DUSP3: variants seen among roughly 807,000 people sequenced by gnomAD.
DUSP3 encodes dual specificity phosphatase 3.
In DUSP3, 7 loss-of-function variants were observed where a neutral mutation model predicts 15.5. That is an observed-to-expected ratio of 0.45 (90% CI 0.26 to 0.85). The LOEUF (loss-of-function observed/expected upper bound fraction) is 0.85, where lower values mean the gene tolerates loss of function less well. DUSP3 is among the 40% of genes least tolerant of loss of function. The pLI, the probability that DUSP3 is intolerant of heterozygous loss-of-function variation, is 0.18. For missense variants in DUSP3, 209 were observed against 251.7 expected (o/e 0.83, Z 1.15); for synonymous variants, 86 against 104.2 (o/e 0.83, Z 1.07).
rs2055026153 is a variant in DUSP3, at chr17:43,766,692, C to T, written c.*2917G>A. On this transcript the variant is annotated 3_prime_UTR_variant, in exon 3 of 3. Coordinates refer to ENST00000226004, the MANE Select transcript of DUSP3 (RefSeq NM_004090.4). Reference sequence around the variant, plus strand: ...GGGGATTATTAGAGACCCCTCAGAGCCAAAAGGGGACCTTAGAGGTCTTCT... The same window carrying T: ...GGGGATTATTAGAGACCCCTCAGAGTCAAAAGGGGACCTTAGAGGTCTTCT... 2.6e-5 allele frequency: 4 copies of T among 152,410 alleles called. No homozygotes were observed. In the South Asian group the frequency reaches 8.3e-4, roughly 32 times the overall value. The allele number at this position is 152,410 out of a possible 1,614,324, so 9.4% of individuals were successfully genotyped here.
chr17:43,774,161 A>G, intron 2 of DUSP3: 1 of 275,048 alleles, frequency 3.6e-6, no homozygotes, highest in South Asian at 3.0e-5. Flanking sequence ...GAAAAAAAAG[A>G]GTGGGAAGAG....
At chr17:43,771,028 G>A (rs1192112612) in intron 2 of DUSP3, among the ~76,000 whole-genome samples, 1 of 149,666 alleles carries the variant, frequency 6.7e-6, no homozygotes, top group Non-Finnish European at 1.5e-5. Flanking sequence ...GTGTATGTGT[G>A]TGTATATATA....
intron 2 of DUSP3, chr17:43,774,012 T>G: frequency 5.1e-6 from 1 of 196,902 alleles, no homozygotes; most frequent in Non-Finnish European, 1.0e-5. Flanking sequence ...GGCGGGAGGC[T>G]GAGGCAGGAG....
chr17:43,769,495 G>C lies in DUSP3; in HGVS notation c.*114C>G. 1 of 1,237,390 alleles carries C rather than the reference G, an allele frequency of 8.1e-7. No individual in the cohort carries two copies. Among genetic ancestry groups the C allele is most frequent in the Non-Finnish European group, 1.1e-6 (1 of 881,442 alleles). The allele number at this position is 1,237,390 out of a possible 1,614,324, so 76.7% of individuals were successfully genotyped here. A position where few individuals can be genotyped will look rare whatever the true frequency, so the allele number is the denominator to read the frequency against. The stretch of plus-strand genomic sequence containing the variant: ...TGTGTTGGGACACACTTGTAGACAA[G>C]TGCCTTGTGATGCTGGGAGCAGGGT... On this transcript the variant is annotated 3_prime_UTR_variant, in exon 3 of 3. Transcript: ENST00000226004.
rs781144393 is a variant in DUSP3 at position 43,769,687 on chromosome 17, G to T, written c.480C>A (p.Ile160=). Residue 160 remains isoleucine (I), a synonymous_variant, in exon 3 of 3, where the codon ATC becomes ATA. Coordinates refer to ENST00000226004, the MANE Select transcript of DUSP3 (RefSeq NM_004090.4). ...ALSIVRQNRE[I]GPNDGFLAQL... Reference sequence around the variant, plus strand: ...GGGCCAGGAAGCCATCGTTGGGGCCGATCTCACGGTTCTGCCTCACGATGC... The same window carrying T: ...GGGCCAGGAAGCCATCGTTGGGGCCTATCTCACGGTTCTGCCTCACGATGC... 1 of 1,613,624 alleles carries T rather than the reference G, an allele frequency of 6.2e-7. No homozygotes were observed.
chr17:43,774,918 G>A lies in DUSP3; in HGVS notation c.146C>T (p.Pro49Leu). ...VGNASVAQDI[P>L]KLQKLGITHV... ...GGTGATGCCTAGTTTCTGCAGCTTG[G>A]GGATGTCCTGAGCCACAGACCTGGA... Residue 49 changes from proline to leucine, a missense_variant, in exon 2 of 3, where the codon CCC becomes CTC. Pro to Leu is a moderately conservative substitution (Grantham distance 98). Transcript: ENST00000226004. 6.2e-7 allele frequency: 1 copy of A among 1,614,166 alleles called. No homozygotes were observed. The highest frequency in any genetic ancestry group is 8.5e-7 in the Non-Finnish European group (1 of 1,180,030).
Position 43,778,795 on chromosome 17 carries a change from C to G in DUSP3, c.125+5G>C. On this transcript the variant is annotated splice_donor_5th_base_variant and intron_variant, in intron 1 of 2. Coordinates refer to ENST00000226004, the MANE Select transcript of DUSP3 (RefSeq NM_004090.4). ...GGCGGGGCCGGGCTCGCGAAAGGGACTCACGCGTTGCCCACGTAGATCCGC... is the reference window on the plus strand; with the variant it reads ...GGCGGGGCCGGGCTCGCGAAAGGGAGTCACGCGTTGCCCACGTAGATCCGC... 1 of 1,529,592 alleles carries G rather than the reference C, an allele frequency of 6.5e-7. No homozygotes were observed. Among genetic ancestry groups the G allele is most frequent in the South Asian group, 1.2e-5 (1 of 81,166 alleles). The allele number at this position is 1,529,592 out of a possible 1,614,324, so 94.8% of individuals were successfully genotyped here.
Position 43,768,692 on chromosome 17 carries a change from G to C in DUSP3, c.*917C>G, listed in dbSNP as rs1312683792. On this transcript the variant is annotated 3_prime_UTR_variant, in exon 3 of 3. Coordinates refer to ENST00000226004, the MANE Select transcript of DUSP3 (RefSeq NM_004090.4). Reference sequence around the variant, plus strand: ...TAGCAACCGAGACAAAAAGCAGTTAGCACGAGTGGCTTGGGCTTGCCAACA... The same window carrying C: ...TAGCAACCGAGACAAAAAGCAGTTACCACGAGTGGCTTGGGCTTGCCAACA... 1 of 151,972 alleles carries C rather than the reference G, an allele frequency of 6.6e-6. No homozygotes were observed. Among genetic ancestry groups the C allele is most frequent in the African/African-American group, 2.4e-5 (1 of 41,376 alleles). The allele number at this position is 151,972 out of a possible 1,614,324, so 9.4% of individuals were successfully genotyped here.
intron 2 of DUSP3, among the ~76,000 whole-genome samples, chr17:43,770,425 A>AGGTGGGC (rs1481293876): frequency 6.6e-6 from 1 of 152,170 alleles, no homozygotes. Context: ...TGGGAGGCCA[A>AGGTGGGC]GGCAACTGGA....
chr17:43,775,077 A>G, intron 1 of DUSP3, 139 bp from the exon 2 acceptor site: 2 of 825,588 alleles, frequency 2.4e-6, no homozygotes, highest in Non-Finnish European at 4.0e-6. Context: ...CTCCTGCCTC[A>G]TCTTATGACC....
intron 1 of DUSP3, 114 bp downstream of exon 1, chr17:43,778,686 G>A: frequency 2.3e-6 from 3 of 1,308,118 alleles, no homozygotes; most frequent in East Asian, 6.4e-5. Context: ...CTCCCGGAGG[G>A]GCCATCGCGC....
chr17:43,769,949 A>C, intron 2 of DUSP3, 135 bp from the exon 3 acceptor site: 1 of 997,852 alleles, frequency 1.0e-6, no homozygotes, highest in Non-Finnish European at 1.5e-6. Context: ...GGCTAAAATG[A>C]AAAGGATGGA....
At chr17:43,769,925 G>T in intron 2 of DUSP3, 111 bp from the exon 3 acceptor site, 1 of 1,192,046 alleles carries the variant, frequency 8.4e-7, no homozygotes, top group Non-Finnish European at 1.2e-6. Context: ...ACGCCACTGT[G>T]TGCCTGTCAG....
rs1479179162 is a variant in DUSP3, at chr17:43,766,292, G to A, written c.*3317C>T. The A allele has an allele frequency of 6.6e-6, 1 of 152,130 alleles. No homozygotes were observed. Among genetic ancestry groups the A allele is most frequent in the African/African-American group, 2.4e-5 (1 of 41,412 alleles). 9.4% of individuals were successfully genotyped at this position (152,130 alleles called of 1,614,324 possible). On this transcript the variant is annotated 3_prime_UTR_variant, in exon 3 of 3. Transcript: ENST00000226004. ...CATAATCAAATTACCCTAAAATTTG[G>A]TGGCGTTAAGAGGCAACAAAAGTTA...
intron 2 of DUSP3, chr17:43,774,196 T>C (rs2154590675): frequency 3.8e-6 from 1 of 266,120 alleles, no homozygotes; most frequent in Middle Eastern, 1.4e-3. Context: ...TCATCTGCTG[T>C]ACTTTGTCCT....
In DUSP3 at chr17:43,774,745, C is replaced by A. The variant is rs759810249; in HGVS notation, c.319G>T (p.Asp107Tyr). The A allele has an allele frequency of 6.2e-7, 1 of 1,614,076 alleles. No individual in the cohort carries two copies. Among genetic ancestry groups the A allele is most frequent in the Non-Finnish European group, 8.5e-7 (1 of 1,180,040 alleles). Reference sequence around the variant, plus strand: ...TGAGCCAAAGCCTGGTCAATGAAGTCGGCAGCCCTTTCAAAGTAAGCGCTG... The same window carrying A: ...TGAGCCAAAGCCTGGTCAATGAAGTAGGCAGCCCTTTCAAAGTAAGCGCTG... ...NLSAYFERAA[D>Y]FIDQALAQKN... Residue 107 changes from aspartate (D) to tyrosine (Y), a missense_variant, in exon 2 of 3, where the codon GAC becomes TAC. Transcript: ENST00000226004.
chr17:43,768,935 C>T lies in DUSP3; in HGVS notation c.*674G>A, dbSNP rs1322137533. On this transcript the variant is annotated 3_prime_UTR_variant, in exon 3 of 3. Transcript: ENST00000226004. ...TCCAAAGATTCACATTTTGAAAACT[C>T]TATGGATTTAGGAGGGTTCTCCAGG... 3 of 152,230 alleles carry T rather than the reference C, an allele frequency of 2.0e-5. No homozygotes were observed. The highest frequency in any genetic ancestry group is 4.4e-5 in the Non-Finnish European group (3 of 68,048). 9.4% of individuals were successfully genotyped at this position (152,230 alleles called of 1,614,324 possible). A position where few individuals can be genotyped will look rare whatever the true frequency, so the allele number is the denominator to read the frequency against.
At chr17:43,773,395 T>C (rs925352447) in intron 2 of DUSP3, among the ~76,000 whole-genome samples, 2 of 152,226 alleles carry the variant, frequency 1.3e-5, no homozygotes, top group Non-Finnish European at 2.9e-5. Context: ...CCCAGCCTGC[T>C]CAGCTGATGT....
intron 2 of DUSP3, among the ~76,000 whole-genome samples, chr17:43,770,718 A>G (rs1235293775): frequency 6.7e-6 from 1 of 149,708 alleles, no homozygotes; most frequent in Non-Finnish European, 1.5e-5. Context: ...GGGGTGGTGG[A>G]GCATAGAGAC....
Sources: gnomAD v4.1 joint callset for allele counts (sites outside exome capture counted in the v4.1 genomes callset) on GRCh38, gnomAD v4.1.1 for gene constraint, MANE v1.5 for transcripts, NCBI Gene and HGNC (gene_info 2026-07-23, HGNC 2026-07-21) for gene names.